NDUFS5: variants seen among roughly 807,000 people sequenced by gnomAD.
NDUFS5 encodes NADH:ubiquinone oxidoreductase subunit S5.
NDUFS5 carries 7 observed loss-of-function variants against 10.5 expected under a neutral mutation model. The observed-to-expected ratio is 0.66, with a 90% CI of 0.38 to 1.25. The LOEUF is 1.25. NDUFS5 is among the 50% of genes most tolerant of loss of function. The pLI, the probability that NDUFS5 is intolerant of heterozygous loss-of-function variation, is 0.02. For synonymous variants in NDUFS5, 38 were observed against 44.0 expected, an observed-to-expected ratio of 0.86 and a Z score of 0.54; for missense variants, 148 against 140.7, an observed-to-expected ratio of 1.05 and a Z score of -0.26.
intron 1 of NDUFS5, among the ~76,000 whole-genome samples, chr1:39,027,738 CCTT>C (rs1486050580): frequency 4.7e-5 from 4 of 84,894 alleles, no homozygotes; most frequent in African/African-American, 1.6e-4. Flanking sequence ...ACCACAAGTG[CCTT>C]TTTTTTTTTT....
chr1:39,028,858 A>T lies in NDUFS5; in HGVS notation c.134A>T (p.His45Leu), dbSNP rs376721499. 6.2e-7 allele frequency: 1 copy of T among 1,614,090 alleles called. No individual in the cohort carries two copies. The highest frequency in any genetic ancestry group is 8.5e-7 in the Non-Finnish European group (1 of 1,180,056). ...GAAAAAGAATGGATAGAATGTGCACATGGAATCGGTTATACTCGGGCAGAG... is the reference window on the plus strand; with the variant it reads ...GAAAAAGAATGGATAGAATGTGCACTTGGAATCGGTTATACTCGGGCAGAG... ...AFEKEWIECAHGIGYTRAEKE... is the reference protein window; with the variant it reads ...AFEKEWIECALGIGYTRAEKE... The change falls in exon 2 of 3, where the codon CAT (histidine) becomes CTT (leucine). Residue 45 changes from histidine (H) to leucine (L), a missense_variant. His to Leu is a moderately conservative substitution (Grantham distance 99, BLOSUM62 -3). Transcript: ENST00000372969.
chr1:39,031,415 C>A (rs142419877), intron 2 of NDUFS5, among the ~76,000 whole-genome samples: 2 of 151,582 alleles, frequency 1.3e-5, no homozygotes, highest in African/African-American at 4.8e-5. Flanking sequence ...CACAAGTCAT[C>A]CTCCTGCCTC....
intron 1 of NDUFS5, among the ~76,000 whole-genome samples, chr1:39,027,982 T>C (rs1254421785): frequency 6.7e-6 from 1 of 149,188 alleles, no homozygotes; most frequent in African/African-American, 2.4e-5. Context: ...CACGCCCAGC[T>C]AATTTTTTTG....
intron 2 of NDUFS5, among the ~76,000 whole-genome samples, chr1:39,032,090 C>T (rs927552016): frequency 4.6e-5 from 7 of 151,640 alleles, no homozygotes; most frequent in African/African-American, 7.3e-5. Flanking sequence ...ACCCGAGAGG[C>T]GGAGGTTGTA....
At chr1:39,031,571 G>T (rs955441680) in intron 2 of NDUFS5, among the ~76,000 whole-genome samples, 2 of 152,146 alleles carry the variant, frequency 1.3e-5, no homozygotes, top group African/African-American at 4.8e-5. Context: ...CCCCCAAACT[G>T]CTGGGATTAC....
rs1026543490 is a variant in NDUFS5 at position 39,027,068 on chromosome 1, T to A, written c.-3+666T>A. Among the ~76,000 whole-genome samples the A allele has an allele frequency of 6.6e-5, 10 of 152,270 alleles. No individual in the cohort carries two copies. In the East Asian group the frequency reaches 1.9e-3, roughly 29 times the overall value. On this transcript the variant is annotated intron_variant, in intron 1 of 2. Coordinates refer to ENST00000372969, the MANE Select transcript of NDUFS5 (RefSeq NM_004552.3). ...AGGGATGGGAAGGAACTTAAGAAGT[T>A]AAATTCACCTTTTTGTTGAGATGGA...
At position 39,029,147 on chromosome 1, in the gene NDUFS5, C is replaced by T. The variant is rs796895810; in HGVS notation, c.216+207C>T. On this transcript the variant is annotated intron_variant, in intron 2 of 2. Coordinates refer to ENST00000372969, the MANE Select transcript of NDUFS5 (RefSeq NM_004552.3). ...AGCTGGGATTATAGGCACCTGCCACCACGCCTGGCTAATTTTTGTATTTTT... is the reference window on the plus strand; with the variant it reads ...AGCTGGGATTATAGGCACCTGCCACTACGCCTGGCTAATTTTTGTATTTTT... 1.2e-4 allele frequency among the ~76,000 whole-genome samples: 19 copies of T among 152,152 alleles called. 1 individual carries two copies. The highest frequency in any genetic ancestry group is 4.6e-4 in the African/African-American group (19 of 41,520).
intron 1 of NDUFS5, among the ~76,000 whole-genome samples, chr1:39,027,137 C>G (rs143193328): frequency 3.3e-5 from 5 of 152,156 alleles, no homozygotes; most frequent in Non-Finnish European, 7.4e-5. Flanking sequence ...GTGGCGCGAT[C>G]TCGGCTCACT....
At chr1:39,027,779 G>T (rs1570989970) in intron 1 of NDUFS5, among the ~76,000 whole-genome samples, 1 of 89,430 alleles carries the variant, frequency 1.1e-5, no homozygotes, top group African/African-American at 4.2e-5. Flanking sequence ...CAGAGAACCT[G>T]ACCAAAGGAT....
chr1:39,026,596 A>T (rs1216345600), intron 1 of NDUFS5, among the ~76,000 whole-genome samples, 194 bp downstream of exon 1: 4 of 152,034 alleles, frequency 2.6e-5, no homozygotes, highest in Non-Finnish European at 5.9e-5. Context: ...CGCTCTCTCC[A>T]CTTTCCACAT....
At chr1:39,028,447 A>C (rs1358786998) in intron 1 of NDUFS5, among the ~76,000 whole-genome samples, 2 of 152,034 alleles carry the variant, frequency 1.3e-5, no homozygotes, top group African/African-American at 4.8e-5. Flanking sequence ...TAGGTGAGCC[A>C]CCGCTCCTGA....
intron 1 of NDUFS5, among the ~76,000 whole-genome samples, chr1:39,028,146 T>A (rs1263611844): frequency 7.2e-5 from 10 of 138,202 alleles, no homozygotes; most frequent in South Asian, 2.4e-4. Context: ...AAAAAAAAAA[T>A]TTAGGCCAGG....
At position 39,030,722 on chromosome 1, in the gene NDUFS5, GAA is replaced by G. The variant is rs71057183; in HGVS notation, c.216+1793_216+1794del. Among the ~76,000 whole-genome samples the G allele has an allele frequency of 5.3e-3, 745 of 141,432 alleles. 8 individuals carry two copies. The highest frequency in any genetic ancestry group is 6.4e-3 in the Non-Finnish European group (421 of 65,774). 92.8% of individuals were successfully genotyped at this position (141,432 alleles called of 152,430 possible). On this transcript the variant is annotated intron_variant, in intron 2 of 2. Coordinates refer to ENST00000372969, the MANE Select transcript of NDUFS5 (RefSeq NM_004552.3). ...GCGACAGAGCGAGACTCTGTCTCAAGAAAAAAAAAAAAGAAAATAAAAAAAAG... is the reference window on the plus strand; with the variant it reads ...GCGACAGAGCGAGACTCTGTCTCAAGAAAAAAAAAAGAAAATAAAAAAAAG...
At chr1:39,027,808 CTTCTTCTTTTTTTTTTT>C (rs1364208571) in intron 1 of NDUFS5, among the ~76,000 whole-genome samples, 9 of 19,700 alleles carry the variant, frequency 4.6e-4, no homozygotes, top group Non-Finnish European at 7.9e-4. Flanking sequence ...TTTTTTTCTT[CTTCTTCTTTTTTTTTTT>C]TTTTTTTTTT....
At chr1:39,030,439 G>C (rs1219092149) in intron 2 of NDUFS5, among the ~76,000 whole-genome samples, 1 of 142,652 alleles carries the variant, frequency 7.0e-6, no homozygotes, top group Non-Finnish European at 1.5e-5. Flanking sequence ...CGGCACAGTA[G>C]CTCACTCCTG....
chr1:39,028,383 G>A (rs1644167295), intron 1 of NDUFS5, among the ~76,000 whole-genome samples: 1 of 152,110 alleles, frequency 6.6e-6, no homozygotes, highest in Non-Finnish European at 1.5e-5. Context: ...AGTGAGCCAA[G>A]ATTGCACCAT....
chr1:39,030,623 G>T (rs1444291313), intron 2 of NDUFS5, among the ~76,000 whole-genome samples: 2 of 151,212 alleles, frequency 1.3e-5, no homozygotes, highest in Admixed American at 6.6e-5. Flanking sequence ...AGGAGGCTGA[G>T]GCAGGAGAAT....
intron 2 of NDUFS5, among the ~76,000 whole-genome samples, chr1:39,029,492 C>G (rs2148081810): frequency 6.6e-6 from 1 of 152,186 alleles, no homozygotes. Flanking sequence ...AGTATTTTAC[C>G]CTGCTTTAGC....
chr1:39,032,386 T>C (rs762768919), intron 2 of NDUFS5, among the ~76,000 whole-genome samples: 1 of 152,184 alleles, frequency 6.6e-6, no homozygotes, highest in African/African-American at 2.4e-5. Context: ...GTTGGGAGAC[T>C]CTAAGATAAA....
Sources: allele counts gnomAD v4.1 joint callset (sites outside exome capture counted in the v4.1 genomes callset), GRCh38; gene constraint gnomAD v4.1.1; transcripts MANE v1.5; gene names NCBI Gene and HGNC (gene_info 2026-07-23, HGNC 2026-07-21).